Variants in ADAMTSL1 observed in about 807,000 individuals in gnomAD.
ADAMTSL1 encodes ADAMTS like 1, also known as ADAMTS-like protein 1.
A neutral mutation model predicts 201.8 loss-of-function variants in ADAMTSL1; 126 were observed. The observed-to-expected ratio is 0.62, with a 90% CI of 0.54 to 0.72. ADAMTSL1 has a LOEUF of 0.72. Ranked by LOEUF, ADAMTSL1 falls within the 30% of genes least tolerant of loss-of-function variation. ADAMTSL1 has a pLI of 0.00. For missense variants in ADAMTSL1, 2,679 were observed against 2,277.8 expected (o/e 1.18, Z -3.59); for synonymous variants, 1,121 against 903.4 (o/e 1.24, Z -4.32).
intron 23 of ADAMTSL1, among the ~76,000 whole-genome samples, chr9:18,873,207 C>A (rs1827964947): frequency 6.6e-6 from 1 of 151,970 alleles, no homozygotes; most frequent in Admixed American, 6.6e-5. Context: ...TAGTCCTTTG[C>A]CAGATGCATA....
chr9:18,862,135 T>C (rs1827253319), intron 23 of ADAMTSL1, among the ~76,000 whole-genome samples: 1 of 152,180 alleles, frequency 6.6e-6, no homozygotes, highest in South Asian at 2.1e-4. Context: ...GTGCTAGGAA[T>C]ATTAGCCATT....
chr9:18,136,990 T>C (rs1826184357), intron 1 of ADAMTSL1, among the ~76,000 whole-genome samples: 1 of 152,130 alleles, frequency 6.6e-6, no homozygotes, highest in South Asian at 2.1e-4. Flanking sequence ...AGGCAGGGTG[T>C]CTGAGTATCA....
chr9:18,257,742 C>G (rs1831744205), intron 2 of ADAMTSL1, among the ~76,000 whole-genome samples: 2 of 152,030 alleles, frequency 1.3e-5, no homozygotes, highest in South Asian at 4.1e-4. Context: ...TTCACAATAG[C>G]TAAAAGGTGG....
At chr9:18,815,711 C>CAAAAAAAAAA (rs35926602) in intron 20 of ADAMTSL1, among the ~76,000 whole-genome samples, 1 of 67,934 alleles carries the variant, frequency 1.5e-5, no homozygotes, top group Non-Finnish European at 2.8e-5. Flanking sequence ...AACCCTGTCT[C>CAAAAAAAAAA]AAAAAAAAAA....
intron 1 of ADAMTSL1, among the ~76,000 whole-genome samples, chr9:18,031,916 G>T (rs1284335830): frequency 1.3e-5 from 2 of 152,190 alleles, no homozygotes; most frequent in South Asian, 4.1e-4. Flanking sequence ...CCTGGGCAGG[G>T]CAGTGGTGCC....
intron 23 of ADAMTSL1, among the ~76,000 whole-genome samples, chr9:18,843,181 C>A (rs1228174903): frequency 1.1e-4 from 17 of 150,760 alleles, no homozygotes; most frequent in Admixed American, 1.1e-3. Flanking sequence ...ACCGGTTGTT[C>A]CTTTCCATGT....
chr9:18,483,290 C>T (rs755516263), intron 1 of ADAMTSL1, among the ~76,000 whole-genome samples: 16 of 152,054 alleles, frequency 1.1e-4, no homozygotes, highest in Non-Finnish European at 1.8e-4. Context: ...TAAAGAGATT[C>T]GAGTTATATT....
At chr9:18,312,059 A>C (rs1202653659) in intron 2 of ADAMTSL1, among the ~76,000 whole-genome samples, 1 of 152,210 alleles carries the variant, frequency 6.6e-6, no homozygotes, top group Non-Finnish European at 1.5e-5. Context: ...GTAGAATGAG[A>C]AAATGTGCAG....
intron 2 of ADAMTSL1, among the ~76,000 whole-genome samples, chr9:18,510,650 C>G (rs146295883): frequency 1.3e-5 from 2 of 151,690 alleles, no homozygotes; most frequent in African/African-American, 4.8e-5. Flanking sequence ...TTGTCTCTCA[C>G]CTTTACTAAT....
intron 2 of ADAMTSL1, among the ~76,000 whole-genome samples, chr9:18,176,225 C>T (rs902909053): frequency 6.6e-6 from 1 of 151,858 alleles, no homozygotes; most frequent in African/African-American, 2.4e-5. Flanking sequence ...TTTGCCCTAG[C>T]GTATTTTTAA....
chr9:17,990,850 A>G (rs959465845), intron 1 of ADAMTSL1, among the ~76,000 whole-genome samples: 1 of 152,168 alleles, frequency 6.6e-6, no homozygotes, highest in Non-Finnish European at 1.5e-5. Flanking sequence ...ACTCTTTGAC[A>G]TATGAGACAA....
chr9:18,497,759 C>T (rs1490745593), intron 1 of ADAMTSL1, among the ~76,000 whole-genome samples: 1 of 152,174 alleles, frequency 6.6e-6, no homozygotes, highest in Non-Finnish European at 1.5e-5. Flanking sequence ...GATTTTAATT[C>T]AACTGGCTGT....
At chr9:18,138,591 A>G (rs1307187824) in intron 1 of ADAMTSL1, among the ~76,000 whole-genome samples, 1 of 152,188 alleles carries the variant, frequency 6.6e-6, no homozygotes, top group Non-Finnish European at 1.5e-5. Flanking sequence ...CCTCCTGTGG[A>G]ACACTGACTT....
intron 2 of ADAMTSL1, among the ~76,000 whole-genome samples, chr9:18,388,986 A>T (rs1223498428): frequency 6.6e-6 from 1 of 151,876 alleles, no homozygotes; most frequent in African/African-American, 2.4e-5. Context: ...TGAACTCCTG[A>T]CCTCATGATC....
At chr9:17,975,203 T>C (rs572594212) in intron 1 of ADAMTSL1, among the ~76,000 whole-genome samples, 3 of 152,138 alleles carry the variant, frequency 2.0e-5, no homozygotes, top group African/African-American at 4.8e-5. Context: ...CATTTTTTAA[T>C]TGGGTCATTT....
At chr9:18,091,523 T>TA (rs886912945) in intron 1 of ADAMTSL1, among the ~76,000 whole-genome samples, 2 of 152,168 alleles carry the variant, frequency 1.3e-5, no homozygotes, top group Non-Finnish European at 2.9e-5. Context: ...TTCCTTGTAC[T>TA]ATGGAGAATA....
intron 2 of ADAMTSL1, among the ~76,000 whole-genome samples, chr9:18,300,043 G>T (rs913935999): frequency 1.3e-5 from 2 of 152,178 alleles, no homozygotes; most frequent in East Asian, 1.9e-4. Context: ...CATTGTGGAA[G>T]ACAGTGTGGC....
At chr9:18,093,948 A>G (rs536651) in intron 1 of ADAMTSL1, among the ~76,000 whole-genome samples, 152,238 of 152,242 alleles carry the variant, frequency 1, 76,117 homozygotes, top group Middle Eastern at 1. Flanking sequence ...GCAGGTCATT[A>G]TAAGTCAAGC....
At chr9:18,599,923 C>T (rs1011545339) in intron 4 of ADAMTSL1, among the ~76,000 whole-genome samples, 7 of 141,238 alleles carry the variant, frequency 5.0e-5, no homozygotes, top group South Asian at 2.3e-4. Flanking sequence ...GAGGCCGAGG[C>T]GGGCAGATCA....
Sources: gnomAD v4.1 joint callset for allele counts (sites outside exome capture counted in the v4.1 genomes callset) on GRCh38, gnomAD v4.1.1 for gene constraint, MANE v1.5 for transcripts, NCBI Gene and HGNC (gene_info 2026-07-23, HGNC 2026-07-21) for gene names.